Variants in AGER observed in about 807,000 individuals in gnomAD.
The protein encoded by AGER is advanced glycosylation end-product specific receptor, also known as advanced glycation end product-specific receptor.
Under a neutral mutation model 48.8 loss-of-function variants are expected in AGER, and 46 were observed. That is an observed-to-expected ratio of 0.94 (90% CI 0.74 to 1.20). The LOEUF is 1.20. Ranked by LOEUF, AGER falls within the 50% of genes most tolerant of loss-of-function variation. AGER has a pLI of 0.00. For synonymous variants in AGER, 170 were observed against 199.9 expected, an observed-to-expected ratio of 0.85 and a Z score of 1.26; for missense variants, 489 against 515.0, an observed-to-expected ratio of 0.95 and a Z score of 0.49.
chr6:32,182,071 G>A lies in AGER; in HGVS notation c.964+176C>T, dbSNP rs1001536575. 3.6e-5 allele frequency: 33 copies of A among 918,180 alleles called. No individual in the cohort carries two copies. The African/African-American group carries it at 4.7e-4, about 13-fold the overall frequency. 56.9% of individuals were successfully genotyped at this position (918,180 alleles called of 1,614,324 possible). A position where few individuals can be genotyped will look rare whatever the true frequency, so the allele number is the denominator to read the frequency against. On this transcript the variant is annotated intron_variant, in intron 8 of 10. Transcript: ENST00000375076. This position sits in a 1 kb window ranked among gnomAD's most constrained non-coding sequence, Gnocchi z 5.1. ...TTTAGCTCAGAGGGAAGAAGGGAGA[G>A]GCTTGGCTGCTCTCTTGGCAGAATT...
chr6:32,181,867 G>A lies in AGER; in HGVS notation c.965-235C>T, dbSNP rs1786282624. Among the ~76,000 whole-genome samples the A allele has an allele frequency of 6.6e-6, 1 of 152,174 alleles. No homozygotes were observed. The highest frequency in any genetic ancestry group is 2.4e-5 in the African/African-American group (1 of 41,444). On this transcript the variant is annotated intron_variant, in intron 8 of 10. Coordinates refer to ENST00000375076, the MANE Select transcript of AGER (RefSeq NM_001136.5). The surrounding 1 kb of genome is among the most constrained non-coding windows in gnomAD (Gnocchi z 4.1). Reference sequence around the variant, plus strand: ...CAAGTAGCTGGCCTCCCAGGTAGCTGGGATTACAGGCATGTGCCACCATGC... The same window carrying A: ...CAAGTAGCTGGCCTCCCAGGTAGCTAGGATTACAGGCATGTGCCACCATGC...
In AGER at chr6:32,183,898, G is replaced by C; in HGVS notation, c.142C>G (p.Arg48Gly). 6.2e-7 allele frequency: 1 copy of C among 1,613,050 alleles called. No homozygotes were observed. Among genetic ancestry groups the C allele is most frequent in the Non-Finnish European group, 8.5e-7 (1 of 1,180,010 alleles). ...CCGCTTACCAGTTTCCATTCCAGCC[G>C]CTGGGGTGGTTTCTTGGGGGCCCCC... ...CKGAPKKPPQ[R>G]LEWKLNTGRT... Residue 48 changes from arginine to glycine, a missense_variant, in exon 2 of 11, where the codon CGG (arginine) becomes GGG (glycine). Coordinates refer to ENST00000375076, the MANE Select transcript of AGER (RefSeq NM_001136.5).
Position 32,181,630 on chromosome 6 carries a change from G to A in AGER, c.967C>T (p.Pro323Ser), listed in dbSNP as rs1295731702. The A allele has an allele frequency of 4.3e-6, 7 of 1,613,012 alleles. No homozygotes were observed. The highest frequency in any genetic ancestry group is 5.9e-6 in the Non-Finnish European group (7 of 1,180,024). The change falls in exon 9 of 11, where the codon CCA (proline) becomes TCA (serine). Residue 323 changes from proline (P) to serine (S), a missense_variant and splice_region_variant. Pro to Ser is a moderately conservative substitution (Grantham distance 74, BLOSUM62 -1). Coordinates refer to ENST00000375076, the MANE Select transcript of AGER (RefSeq NM_001136.5). This position sits in a 1 kb window ranked among gnomAD's most constrained non-coding sequence, Gnocchi z 4.1. ...CCTGCAGTTGGCCCCTCCTCGCCTG[G>A]TTCTGGAAGACAAAGTTGGATCCAG... ...SRAVSISIIE[P>S]GEEGPTAGSV...
chr6:32,183,876 C>T lies in AGER; in HGVS notation c.159+5G>A. 1 of 1,613,054 alleles carries T rather than the reference C, an allele frequency of 6.2e-7. No homozygotes were observed. The highest frequency in any genetic ancestry group is 1.1e-5 in the South Asian group (1 of 91,088). ...TTGGGAGGCTGCAACAGGAGCCCCG[C>T]TTACCAGTTTCCATTCCAGCCGCTG... On this transcript the variant is annotated splice_donor_5th_base_variant and intron_variant, in intron 2 of 10. Transcript: ENST00000375076.
rs756762501 is a variant in AGER, at chr6:32,181,195, A to G, written c.1163T>C (p.Leu388Pro). The change falls in exon 11 of 11, where the codon CTG becomes CCG. Residue 388 changes from leucine (L) to proline (P), a missense_variant. Physicochemically the swap from Leu to Pro is moderately conservative, Grantham distance 98 (BLOSUM62 -3). Transcript: ENST00000375076. The surrounding 1 kb of genome is among the most constrained non-coding windows in gnomAD (Gnocchi z 4.1). ...TGCCTCAGGTTCCTCCGACTGATTCAGTTCTGCACGCTCCTCCTCTTCCTC... is the reference window on the plus strand; with the variant it reads ...TGCCTCAGGTTCCTCCGACTGATTCGGTTCTGCACGCTCCTCCTCTTCCTC... ...NQEEEEERAELNQSEEPEAGE... is the reference protein window; with the variant it reads ...NQEEEEERAEPNQSEEPEAGE... The G allele has an allele frequency of 6.2e-7, 1 of 1,614,028 alleles. No homozygotes were observed. The highest frequency in any genetic ancestry group is 1.1e-5 in the South Asian group (1 of 91,092).
At position 32,183,335 on chromosome 6, in the gene AGER, C is replaced by A. The variant is rs748857863; in HGVS notation, c.409G>T (p.Val137Phe). The change falls in exon 4 of 11, where the codon GTT (valine) becomes TTT (phenylalanine). Residue 137 changes from valine to phenylalanine, a missense_variant. Physicochemically the swap from Val to Phe is conservative, Grantham distance 50. Coordinates refer to ENST00000375076, the MANE Select transcript of AGER (RefSeq NM_001136.5). ...CTTTCTTCCACTACCTTATTGGGAACACCAGCCGTGAGTTCAGAGGCAGAA... is the reference window on the plus strand; with the variant it reads ...CTTTCTTCCACTACCTTATTGGGAAAACCAGCCGTGAGTTCAGAGGCAGAA... ...VDSASELTAG[V>F]PNKVGTCVSE... 7.4e-6 allele frequency: 12 copies of A among 1,613,174 alleles called. No homozygotes were observed. In the East Asian group the frequency reaches 2.2e-4, roughly 30 times the overall value.
Position 32,184,184 on chromosome 6 carries a change from G to T in AGER, c.39C>A (p.Val13=). Residue 13 remains valine, a synonymous_variant, in exon 1 of 11, where the codon GTC becomes GTA. Coordinates refer to ENST00000375076, the MANE Select transcript of AGER (RefSeq NM_001136.5). ...GGAGTGGCTCACCCCACAGACTGAG[G>T]ACCAGCACCCAGGCTCCAACTGCTG... ...AGTAVGAWVL[V]LSLWGAVVGA... is the part of the protein sequence containing the mutation. The T allele has an allele frequency of 6.2e-7, 1 of 1,612,328 alleles. No individual in the cohort carries two copies. Among genetic ancestry groups the T allele is most frequent in the East Asian group, 2.2e-5 (1 of 44,890 alleles).
chr6:32,181,558 T>C lies in AGER; in HGVS notation c.991+48A>G, dbSNP rs772516480. Reference sequence around the variant, plus strand: ...CTTGTTGACCATCCCCCCAGTCACATGTGTTGGGGGCTATCTTCTGCTTCC... The same window carrying C: ...CTTGTTGACCATCCCCCCAGTCACACGTGTTGGGGGCTATCTTCTGCTTCC... On this transcript the variant is annotated intron_variant, in intron 9 of 10. Coordinates refer to ENST00000375076, the MANE Select transcript of AGER (RefSeq NM_001136.5). The surrounding 1 kb of genome is among the most constrained non-coding windows in gnomAD (Gnocchi z 4.1). 67 of 1,612,944 alleles carry C rather than the reference T, an allele frequency of 4.2e-5. 1 individual carries two copies. The highest frequency in any genetic ancestry group is 4.0e-4 in the Admixed American group (24 of 60,000).
In AGER at chr6:32,182,213, C is replaced by G; in HGVS notation, c.964+34G>C. ...AGCCTGTGCTGTCCTGCACCCTAGT[C>G]CCAGGGTCTGTAGGGCTTGGGGAGA... On this transcript the variant is annotated intron_variant, in intron 8 of 10. Coordinates refer to ENST00000375076, the MANE Select transcript of AGER (RefSeq NM_001136.5). This position sits in a 1 kb window ranked among gnomAD's most constrained non-coding sequence, Gnocchi z 5.1. 1.9e-5 allele frequency: 31 copies of G among 1,612,478 alleles called. No individual in the cohort carries two copies. The highest frequency in any genetic ancestry group is 2.6e-5 in the Non-Finnish European group (31 of 1,179,964).
Position 32,182,175 on chromosome 6 carries a change from G to A in AGER, c.964+72C>T. ...GCTGTTAGGGATAAGGCCAGAATGG[G>A]GCAGGAAATTAGAGCCTGTGCTGTC... On this transcript the variant is annotated intron_variant, in intron 8 of 10. Coordinates refer to ENST00000375076, the MANE Select transcript of AGER (RefSeq NM_001136.5). This position sits in a 1 kb window ranked among gnomAD's most constrained non-coding sequence, Gnocchi z 5.1. The A allele has an allele frequency of 1.2e-6, 2 of 1,602,786 alleles. No homozygotes were observed. The highest frequency in any genetic ancestry group is 1.7e-6 in the Non-Finnish European group (2 of 1,172,664).
In AGER at chr6:32,182,671, A is replaced by G; in HGVS notation, c.719T>C (p.Leu240Ser). The G allele has an allele frequency of 6.2e-7, 1 of 1,613,004 alleles. No homozygotes were observed. The highest frequency in any genetic ancestry group is 8.5e-7 in the Non-Finnish European group (1 of 1,180,010). Residue 240 changes from leucine to serine, a missense_variant, in exon 7 of 11, where the codon TTG (leucine) becomes TCG (serine). Coordinates refer to ENST00000375076, the MANE Select transcript of AGER (RefSeq NM_001136.5). This position sits in a 1 kb window ranked among gnomAD's most constrained non-coding sequence, Gnocchi z 5.1. Reference sequence around the variant, plus strand: ...TGCTCCACCTTCTGGCTCCACCACCAATTGGACCTCCTCCAGAGGCACAGG... The same window carrying G: ...TGCTCCACCTTCTGGCTCCACCACCGATTGGACCTCCTCCAGAGGCACAGG... Reference protein sequence around the residue: ...WEPVPLEEVQLVVEPEGGAVA... With the variant: ...WEPVPLEEVQSVVEPEGGAVA...
chr6:32,183,055 G>A (rs1786543715), intron 5 of AGER, 32 bp from the exon 6 acceptor site: 1 of 1,612,804 alleles, frequency 6.2e-7, no homozygotes, highest in African/African-American at 1.3e-5. Context: ...AATTATCCCA[G>A]GGTGGGTGTG....
Position 32,182,848 on chromosome 6 carries a change from A to C in AGER, c.684T>G (p.Arg228=), listed in dbSNP as rs887932071. The C allele has an allele frequency of 6.2e-7, 1 of 1,612,108 alleles. No individual in the cohort carries two copies. The highest frequency in any genetic ancestry group is 1.3e-5 in the African/African-American group (1 of 74,984). ...RALRTAPIQP[R]VWEPVPLEEV... ...CTCCCCACCTATGCTCACCCCAGAC[A>C]CGGGGCTGGATGGGGGCTGTGCGCA... Residue 228 remains arginine (R), a synonymous_variant, in exon 6 of 11, where the codon CGT becomes CGG. Coordinates refer to ENST00000375076, the MANE Select transcript of AGER (RefSeq NM_001136.5). This position sits in a 1 kb window ranked among gnomAD's most constrained non-coding sequence, Gnocchi z 5.1.
chr6:32,184,085 T>C (rs1786777945), intron 1 of AGER, 86 bp downstream of exon 1: 2 of 1,606,656 alleles, frequency 1.2e-6, no homozygotes, highest in African/African-American at 1.3e-5. Context: ...CTTCCTCGGG[T>C]TCTGGGAAAA....
chr6:32,183,206 G>A lies in AGER; in HGVS notation c.421-5C>T. The A allele has an allele frequency of 6.2e-7, 1 of 1,612,986 alleles. No homozygotes were observed. The highest frequency in any genetic ancestry group is 8.5e-7 in the Non-Finnish European group (1 of 1,179,942). ...CTCTGACACACATGTCCCCACCTGG[G>A]GAAAGAGTGGTGACCTCAGAATCCT... On this transcript the variant is annotated splice_polypyrimidine_tract_variant and splice_region_variant and intron_variant, in intron 4 of 10. Transcript: ENST00000375076.
In AGER at chr6:32,181,862, T is replaced by C. The variant is rs1786281768; in HGVS notation, c.965-230A>G. 6.6e-6 allele frequency among the ~76,000 whole-genome samples: 1 copy of C among 152,126 alleles called. No individual in the cohort carries two copies. The highest frequency in any genetic ancestry group is 1.5e-5 in the Non-Finnish European group (1 of 68,006). ...CCTCTCAAGTAGCTGGCCTCCCAGG[T>C]AGCTGGGATTACAGGCATGTGCCAC... On this transcript the variant is annotated intron_variant, in intron 8 of 10. Transcript: ENST00000375076. The surrounding 1 kb of genome is among the most constrained non-coding windows in gnomAD (Gnocchi z 4.1).
chr6:32,182,491 C>A lies in AGER; in HGVS notation c.822+77G>T, dbSNP rs771700388. 2 of 1,591,626 alleles carry A rather than the reference C, an allele frequency of 1.3e-6. No homozygotes were observed. The highest frequency in any genetic ancestry group is 2.7e-5 in the African/African-American group (2 of 74,196). On this transcript the variant is annotated intron_variant, in intron 7 of 10. Coordinates refer to ENST00000375076, the MANE Select transcript of AGER (RefSeq NM_001136.5). This position sits in a 1 kb window ranked among gnomAD's most constrained non-coding sequence, Gnocchi z 5.1. ...CTCCTCAGCTCCTAGCCTGCCTTTCCCTCGTTAGCCCTCTGCCCTCCCTGT... is the reference window on the plus strand; with the variant it reads ...CTCCTCAGCTCCTAGCCTGCCTTTCACTCGTTAGCCCTCTGCCCTCCCTGT...
Position 32,181,618 on chromosome 6 carries a change from C to T in AGER, c.979G>A (p.Gly327Arg), listed in dbSNP as rs1271261448. ...TCAAACCCCTCACCTGCAGTTGGCC[C>T]CTCCTCGCCTGGTTCTGGAAGACAA... is the stretch of plus-strand genomic sequence containing the variant. ...SISIIEPGEE[G>R]PTAGSVGGSG... The change falls in exon 9 of 11, where the codon GGG (glycine) becomes AGG (arginine). Residue 327 changes from glycine (G) to arginine (R), a missense_variant. Transcript: ENST00000375076. The surrounding 1 kb of genome is among the most constrained non-coding windows in gnomAD (Gnocchi z 4.1). The T allele has an allele frequency of 6.2e-7, 1 of 1,613,006 alleles. No homozygotes were observed. Among genetic ancestry groups the T allele is most frequent in the Non-Finnish European group, 8.5e-7 (1 of 1,180,056 alleles).
intron 1 of AGER, 71 bp from the exon 2 acceptor site, chr6:32,184,058 AG>A: frequency 2.5e-6 from 4 of 1,609,548 alleles, no homozygotes; most frequent in Non-Finnish European, 3.4e-6. Flanking sequence ...AGGGTGGGTG[AG>A]GGACCTTGAA....
Sources: allele counts gnomAD v4.1 joint callset (sites outside exome capture counted in the v4.1 genomes callset), GRCh38; gene constraint gnomAD v4.1.1; non-coding constraint Gnocchi (gnomAD v3.1); transcripts MANE v1.5; gene names NCBI Gene and HGNC (gene_info 2026-07-23, HGNC 2026-07-21).